WDR7: variants seen among roughly 807,000 people sequenced by gnomAD.
WDR7 encodes WD repeat domain 7.
WDR7 carries 46 observed loss-of-function variants against 169.4 expected under a neutral mutation model. The observed-to-expected ratio is 0.27, with a 90% CI of 0.21 to 0.35. The LOEUF is 0.35. Ranked by LOEUF, WDR7 falls within the 10% of genes least tolerant of loss-of-function variation. WDR7 has a pLI of 1.00. For missense variants in WDR7, 1,534 were observed against 1,859.3 expected, an observed-to-expected ratio of 0.83 and a Z score of 3.22; for synonymous variants, 612 against 666.8, an observed-to-expected ratio of 0.92 and a Z score of 1.27.
intron 23 of WDR7, among the ~76,000 whole-genome samples, chr18:56,936,882 T>C (rs902459939): frequency 1.3e-5 from 2 of 152,226 alleles, no homozygotes. Context: ...AGATTTAAAA[T>C]GCACATATGT....
rs1455990098 is a variant in WDR7, at chr18:56,880,136, G to T, written c.3497G>T (p.Gly1166Val). Reference sequence around the variant, plus strand: ...GAGGGATTCGGGTTGACTAGTGGTGGATCCAACTACTCGCTGGCCAGACAT... The same window carrying T: ...GAGGGATTCGGGTTGACTAGTGGTGTATCCAACTACTCGCTGGCCAGACAT... ...IPEGFGLTSG[G>V]SNYSLARHTC... Residue 1166 changes from glycine (G) to valine (V), a missense_variant, in exon 21 of 28, where the codon GGA becomes GTA. Physicochemically the swap from Gly to Val is moderately radical, Grantham distance 109. Coordinates refer to ENST00000254442, the MANE Select transcript of WDR7 (RefSeq NM_015285.3). The T allele has an allele frequency of 6.2e-7, 1 of 1,614,020 alleles. No individual in the cohort carries two copies. Among genetic ancestry groups the T allele is most frequent in the South Asian group, 1.1e-5 (1 of 91,058 alleles).
At chr18:56,934,608 GCAGTGTAA>G in intron 22 of WDR7, among the ~76,000 whole-genome samples, 1 of 152,172 alleles carries the variant, frequency 6.6e-6, no homozygotes, top group Middle Eastern at 3.4e-3. Flanking sequence ...AGAGATTTAA[GCAGTGTAA>G]CAGTCACAAA....
At chr18:56,685,013 A>C (rs1215511325) in intron 5 of WDR7, among the ~76,000 whole-genome samples, 1 of 152,162 alleles carries the variant, frequency 6.6e-6, no homozygotes, top group Non-Finnish European at 1.5e-5. Context: ...TGCCTATTTA[A>C]AATTTTTATA....
intron 21 of WDR7, among the ~76,000 whole-genome samples, chr18:56,909,166 A>G (rs2046520612): frequency 6.6e-6 from 1 of 152,252 alleles, no homozygotes; most frequent in Admixed American, 6.5e-5. Context: ...GTTACCAAAT[A>G]TTAAGCTTGG....
rs750131615 is a variant in WDR7 at position 56,939,330 on chromosome 18, A to T, written c.4001A>T (p.Tyr1334Phe). 6.3e-7 allele frequency: 1 copy of T among 1,575,846 alleles called. No individual in the cohort carries two copies. The highest frequency in any genetic ancestry group is 1.8e-5 in the Admixed American group (1 of 55,700). The change falls in exon 25 of 28, where the codon TAC becomes TTC. Residue 1334 changes from tyrosine to phenylalanine, a missense_variant. Coordinates refer to ENST00000254442, the MANE Select transcript of WDR7 (RefSeq NM_015285.3). ...LLVEVMDIIM[Y>F]CLEGSLVKKK... Reference sequence around the variant, plus strand: ...TCAAAGGTTATGGACATCATTATGTACTGCCTTGAAGGATCTTTAGTTAAA... The same window carrying T: ...TCAAAGGTTATGGACATCATTATGTTCTGCCTTGAAGGATCTTTAGTTAAA...
intron 20 of WDR7, among the ~76,000 whole-genome samples, chr18:56,869,255 A>G (rs1447195838): frequency 1.3e-5 from 2 of 152,188 alleles, no homozygotes; most frequent in African/African-American, 2.4e-5. Context: ...TATTTTGTCA[A>G]CTGCACACAC....
At chr18:56,754,476 A>G (rs1174346324) in intron 14 of WDR7, among the ~76,000 whole-genome samples, 1 of 151,570 alleles carries the variant, frequency 6.6e-6, no homozygotes, top group African/African-American at 2.4e-5. Context: ...GTGTATGTAT[A>G]TATGTATATA....
At chr18:56,881,691 A>G (rs186051716) in intron 21 of WDR7, among the ~76,000 whole-genome samples, 350 of 152,070 alleles carry the variant, frequency 2.3e-3, no homozygotes, top group Middle Eastern at 3.4e-3. Context: ...GTTCACTGCA[A>G]CCTCCTGCCT....
rs747104269 is a variant in WDR7 at position 56,686,956 on chromosome 18, G to A, written c.699G>A (p.Val233=). Residue 233 remains valine, a synonymous_variant, in exon 7 of 28, where the codon GTG becomes GTA. Coordinates refer to ENST00000254442, the MANE Select transcript of WDR7 (RefSeq NM_015285.3). ...CAFTQRSLLV[V]CSKYWRVFDA... ...TTACACAAAGGTCACTTTTGGTTGT[G>A]TGTTCCAAATATTGGAGGGTAAGAT... 1 of 1,609,856 alleles carries A rather than the reference G, an allele frequency of 6.2e-7. No individual in the cohort carries two copies. Among genetic ancestry groups the A allele is most frequent in the Non-Finnish European group, 8.5e-7 (1 of 1,177,154 alleles).
intron 12 of WDR7, among the ~76,000 whole-genome samples, chr18:56,715,164 C>T (rs1241209435): frequency 6.6e-6 from 1 of 152,006 alleles, no homozygotes; most frequent in Non-Finnish European, 1.5e-5. Flanking sequence ...AACCTTTTTT[C>T]TTTGCTTAAT....
In WDR7 at chr18:56,705,988, ATG is replaced by A. The variant is rs1568148718; in HGVS notation, c.1578+9527_1578+9528del. Among the ~76,000 whole-genome samples the A allele has an allele frequency of 3.5e-3, 539 of 152,302 alleles. 2 individuals are homozygous for A. Among genetic ancestry groups the A allele is most frequent in the Middle Eastern group, 0.017 (5 of 294 alleles). On this transcript the variant is annotated intron_variant, in intron 12 of 27. Transcript: ENST00000254442. ...ACTCCAGCCTGGGCGACAGAGGGAGATGCCGTCTCAAAAACCACAACAAAAAG... is the reference window on the plus strand; with the variant it reads ...ACTCCAGCCTGGGCGACAGAGGGAGACCGTCTCAAAAACCACAACAAAAAG...
chr18:56,837,882 A>G (rs573288889), intron 20 of WDR7, among the ~76,000 whole-genome samples: 101 of 152,170 alleles, frequency 6.6e-4, no homozygotes, highest in African/African-American at 2.4e-3. Context: ...CTGGTCTTGA[A>G]CTTCTGACTT....
chr18:56,997,682 T>G (rs957011922), intron 26 of WDR7, among the ~76,000 whole-genome samples: 1 of 152,238 alleles, frequency 6.6e-6, no homozygotes, highest in Non-Finnish European at 1.5e-5. Flanking sequence ...TTAATTCATC[T>G]TGGGATTTTT....
intron 21 of WDR7, among the ~76,000 whole-genome samples, chr18:56,900,619 A>C (rs1350366125): frequency 6.6e-6 from 1 of 152,188 alleles, no homozygotes; most frequent in Non-Finnish European, 1.5e-5. Context: ...CTCCAAGGCT[A>C]AGATTAGACT....
rs142953498 is a variant in WDR7, at chr18:56,781,856, G to A, written c.3190+200G>A. On this transcript the variant is annotated intron_variant, in intron 19 of 27. Coordinates refer to ENST00000254442, the MANE Select transcript of WDR7 (RefSeq NM_015285.3). ...TTGCTTTAAAAAACAAAAGGCAAAG[G>A]CTGTCTATATCAAAATATTCATTAA... 207 of 470,406 alleles carry A rather than the reference G, an allele frequency of 4.4e-4. 1 individual carries two copies. The highest frequency in any genetic ancestry group is 3.6e-3 in the African/African-American group (182 of 49,884). The allele number at this position is 470,406 out of a possible 1,614,324, so 29.1% of individuals were successfully genotyped here. A position where few individuals can be genotyped will look rare whatever the true frequency, so the allele number is the denominator to read the frequency against.
intron 22 of WDR7, among the ~76,000 whole-genome samples, chr18:56,933,596 A>G (rs1005852352): frequency 2.6e-5 from 4 of 152,364 alleles, no homozygotes; most frequent in East Asian, 1.9e-4. Context: ...CAAAGATGCA[A>G]TCTAACCATT....
At chr18:56,699,959 T>C in intron 12 of WDR7, 1 of 831,398 alleles carries the variant, frequency 1.2e-6, no homozygotes, top group Non-Finnish European at 1.5e-6. Context: ...ATTTTTGAGC[T>C]GTTTTTAATA....
chr18:56,963,955 A>C (rs1490185960), intron 26 of WDR7, among the ~76,000 whole-genome samples: 1 of 151,940 alleles, frequency 6.6e-6, no homozygotes, highest in African/African-American at 2.4e-5. Context: ...AAAAAGAACA[A>C]GGTGACCTTG....
At chr18:56,684,633 G>A (rs770324487) in intron 5 of WDR7, among the ~76,000 whole-genome samples, 8 of 152,166 alleles carry the variant, frequency 5.3e-5, no homozygotes, top group Non-Finnish European at 1.0e-4. Context: ...TGAGAGTGGT[G>A]CAGGCCTGCA....
Sources: gnomAD v4.1 joint callset for allele counts (sites outside exome capture counted in the v4.1 genomes callset) on GRCh38, gnomAD v4.1.1 for gene constraint, MANE v1.5 for transcripts, NCBI Gene and HGNC (gene_info 2026-07-23, HGNC 2026-07-21) for gene names.